The following KCNIP4 variants were observed in gnomAD, a reference collection of about 807,000 sequenced individuals.
KCNIP4 encodes potassium voltage-gated channel interacting protein 4.
In KCNIP4, 12 loss-of-function variants were observed where a neutral mutation model predicts 34.0. The ratio of observed to expected loss-of-function variants is 0.35; its 90% CI spans 0.23 to 0.57. The LOEUF is 0.57. KCNIP4 is among the 20% of genes least tolerant of loss of function. The probability of loss-of-function intolerance (pLI) is 0.83; values close to 1 mark genes in which losing one functional copy is unlikely to be tolerated. For missense variants in KCNIP4, 238 were observed against 311.7 expected (o/e 0.76, Z 1.78); for synonymous variants, 124 against 102.2 (o/e 1.21, Z -1.29).
chr4:21,522,514 C>CCACACACAGCTTA (rs1440995937), intron 1 of KCNIP4, among the ~76,000 whole-genome samples: 1 of 151,942 alleles, frequency 6.6e-6, no homozygotes, highest in Non-Finnish European at 1.5e-5. Context: ...GTGCATGCCA[C>CCACACACAGCTTA]CACACACAGC....
intron 1 of KCNIP4, among the ~76,000 whole-genome samples, chr4:21,637,812 A>T (rs550722027): frequency 6.6e-6 from 1 of 151,972 alleles, no homozygotes; most frequent in Admixed American, 6.6e-5. Context: ...AAAGATGAGA[A>T]AACAAAATTT....
At chr4:21,347,174 G>T (rs1259011748) in intron 1 of KCNIP4, among the ~76,000 whole-genome samples, 1 of 152,134 alleles carries the variant, frequency 6.6e-6, no homozygotes, top group East Asian at 1.9e-4. Context: ...TTACTGCCTT[G>T]GTAATGTTAA....
intron 3 of KCNIP4, among the ~76,000 whole-genome samples, chr4:20,795,025 A>T (rs1271814862): frequency 3.9e-5 from 6 of 152,210 alleles, no homozygotes; most frequent in Non-Finnish European, 8.8e-5. Context: ...GGACTTTTGC[A>T]GTAATTTACA....
chr4:20,923,184 G>A (rs1161296311), intron 1 of KCNIP4, among the ~76,000 whole-genome samples: 3 of 152,122 alleles, frequency 2.0e-5, no homozygotes, highest in Non-Finnish European at 1.5e-5. Context: ...GTTTGTCTTT[G>A]TTTCACAGTC....
At chr4:21,563,975 A>G (rs756583244) in intron 1 of KCNIP4, among the ~76,000 whole-genome samples, 1 of 152,124 alleles carries the variant, frequency 6.6e-6, no homozygotes, top group Non-Finnish European at 1.5e-5. Context: ...TTGAATAATC[A>G]TATACCTTTT....
rs78155326 is a variant in KCNIP4 at position 21,574,962 on chromosome 4, T to C, written c.61+373609A>G. On this transcript the variant is annotated intron_variant, in intron 1 of 8. Coordinates refer to ENST00000382152, the MANE Select transcript of KCNIP4 (RefSeq NM_025221.6). ...TTCACTCTCACTTGTTATGTAGCTT[T>C]GCATTTAGTAAAAATATCCATGAAC... 7.7e-3 allele frequency among the ~76,000 whole-genome samples: 1,180 copies of C among 152,324 alleles called. 24 individuals are homozygous for C. Among genetic ancestry groups the C allele is most frequent in the African/African-American group, 0.026 (1,075 of 41,574 alleles).
chr4:21,507,945 C>T (rs1240158698), intron 1 of KCNIP4, among the ~76,000 whole-genome samples: 2 of 152,066 alleles, frequency 1.3e-5, no homozygotes, highest in African/African-American at 4.8e-5. Flanking sequence ...TTTAATTTCA[C>T]CATATAAGTT....
chr4:21,876,958 C>A (rs1332170406), intron 1 of KCNIP4, among the ~76,000 whole-genome samples: 1 of 151,704 alleles, frequency 6.6e-6, no homozygotes, highest in Non-Finnish European at 1.5e-5. Flanking sequence ...AGACAGGCAC[C>A]ACTCAATTGC....
intron 1 of KCNIP4, among the ~76,000 whole-genome samples, chr4:21,627,398 G>A (rs111882130): frequency 4.6e-5 from 7 of 152,048 alleles, no homozygotes; most frequent in African/African-American, 1.4e-4. Context: ...ACCCATGCAT[G>A]CTCACACACC....
intron 1 of KCNIP4, among the ~76,000 whole-genome samples, chr4:21,306,245 C>A (rs909936730): frequency 6.6e-6 from 1 of 152,182 alleles, no homozygotes; most frequent in African/African-American, 2.4e-5. Context: ...GTGTTTAATG[C>A]AAAACCCATT....
chr4:21,076,195 G>T (rs183591452), intron 1 of KCNIP4, among the ~76,000 whole-genome samples: 1,890 of 152,160 alleles, frequency 0.012, 21 homozygotes, highest in South Asian at 0.025. Context: ...GCCTTGCTAG[G>T]TTGGGGAAGT....
intron 1 of KCNIP4, among the ~76,000 whole-genome samples, chr4:21,011,946 T>C (rs755118204): frequency 2.6e-5 from 4 of 152,244 alleles, no homozygotes; most frequent in Non-Finnish European, 5.9e-5. Flanking sequence ...CTAACTGGAT[T>C]ATAATGAAAG....
chr4:20,905,522 T>TGTTTTTTTTTG (rs1553914022), intron 1 of KCNIP4, among the ~76,000 whole-genome samples: 2 of 111,250 alleles, frequency 1.8e-5, no homozygotes, highest in East Asian at 3.1e-4. Flanking sequence ...TTTTTTTTTT[T>TGTTTTTTTTTG]TTTGTTTGAG....
At chr4:21,669,954 C>A (rs1299130991) in intron 1 of KCNIP4, among the ~76,000 whole-genome samples, 1 of 152,030 alleles carries the variant, frequency 6.6e-6, no homozygotes, top group African/African-American at 2.4e-5. Context: ...TATACCTATA[C>A]CTTGGGAGAC....
intron 1 of KCNIP4, among the ~76,000 whole-genome samples, chr4:21,419,380 T>A (rs1306983718): frequency 6.6e-6 from 1 of 152,110 alleles, no homozygotes; most frequent in Non-Finnish European, 1.5e-5. Context: ...ATGACAACGA[T>A]GATGATGGTG....
At chr4:21,445,819 C>T (rs1727930788) in intron 1 of KCNIP4, among the ~76,000 whole-genome samples, 1 of 152,062 alleles carries the variant, frequency 6.6e-6, no homozygotes, top group African/African-American at 2.4e-5. Context: ...AAGAAACTAC[C>T]ATCAGAGTGA....
At chr4:21,306,087 A>C (rs1184883286) in intron 1 of KCNIP4, among the ~76,000 whole-genome samples, 1 of 152,174 alleles carries the variant, frequency 6.6e-6, no homozygotes, top group African/African-American at 2.4e-5. Flanking sequence ...ATTACTACAC[A>C]CCAGATGCTT....
chr4:21,440,425 A>G (rs1727358355), intron 1 of KCNIP4, among the ~76,000 whole-genome samples: 1 of 152,248 alleles, frequency 6.6e-6, no homozygotes, highest in East Asian at 1.9e-4. Flanking sequence ...CTAAGTGAAC[A>G]GCTATAAAAT....
At chr4:21,495,952 G>T (rs1732814087) in intron 1 of KCNIP4, among the ~76,000 whole-genome samples, 1 of 152,218 alleles carries the variant, frequency 6.6e-6, no homozygotes, top group African/African-American at 2.4e-5. Flanking sequence ...CATTCCAGAA[G>T]TTTGTGGGTG....
Sources: gnomAD v4.1 joint callset for allele counts (sites outside exome capture counted in the v4.1 genomes callset) on GRCh38, gnomAD v4.1.1 for gene constraint, MANE v1.5 for transcripts, NCBI Gene and HGNC (gene_info 2026-07-23, HGNC 2026-07-21) for gene names.